Variants in SGCD observed in about 807,000 individuals in gnomAD.
The protein encoded by SGCD is sarcoglycan delta, also known as delta-sarcoglycan.
SGCD carries 18 observed loss-of-function variants against 36.6 expected under a neutral mutation model. That is an observed-to-expected ratio of 0.49 (90% CI 0.34 to 0.73). The LOEUF (loss-of-function observed/expected upper bound fraction) is 0.73. Ranked by LOEUF, SGCD falls within the 30% of genes least tolerant of loss-of-function variation. The pLI is 0.01. For missense variants in SGCD, 387 were observed against 346.7 expected (o/e 1.12, Z -0.92); for synonymous variants, 133 against 130.6 (o/e 1.02, Z -0.12).
chr5:156,369,990 G>A (rs1395947131), intron 3 of SGCD, among the ~76,000 whole-genome samples: 1 of 152,098 alleles, frequency 6.6e-6, no homozygotes, highest in Non-Finnish European at 1.5e-5. Flanking sequence ...AGCTATTACA[G>A]GTTGTCTAAC....
intron 6 of SGCD, among the ~76,000 whole-genome samples, chr5:156,607,984 C>CA (rs768456913): frequency 1.8e-4 from 27 of 151,990 alleles, no homozygotes; most frequent in East Asian, 5.8e-4. Flanking sequence ...TTGATCTTTT[C>CA]AAAAAAACAG....
intron 7 of SGCD, among the ~76,000 whole-genome samples, chr5:156,672,438 A>G (rs1753336086): frequency 6.6e-6 from 1 of 152,124 alleles, no homozygotes; most frequent in African/African-American, 2.4e-5. Context: ...TCCTGAGTGC[A>G]GCCCCACCAG....
the SGCD span, among the ~76,000 whole-genome samples, chr5:155,820,284 T>C: frequency 6.6e-6 from 1 of 152,314 alleles, no homozygotes; most frequent in East Asian, 1.9e-4. Context: ...TGAGTTTGGC[T>C]TCTCAACCCA....
intron 3 of SGCD, among the ~76,000 whole-genome samples, chr5:156,466,812 CAAAG>C (rs1233666115): frequency 6.6e-6 from 1 of 151,822 alleles, no homozygotes; most frequent in African/African-American, 2.4e-5. Flanking sequence ...ACTTTCTAGT[CAAAG>C]AAAATGTTTT....
chr5:155,865,637 A>G (rs1054708310), upstream of SGCD, among the ~76,000 whole-genome samples: 1 of 152,216 alleles, frequency 6.6e-6, no homozygotes, highest in African/African-American at 2.4e-5. Flanking sequence ...AGGTTGTAAC[A>G]TTACACATTG....
chr5:156,115,956 A>G (rs1363637190), intron 1 of SGCD, among the ~76,000 whole-genome samples: 1 of 152,154 alleles, frequency 6.6e-6, no homozygotes, highest in Non-Finnish European at 1.5e-5. Flanking sequence ...TACTTCCATC[A>G]GGAGGCAATG....
In SGCD at chr5:156,205,894, C is replaced by T. The variant is rs146323639; in HGVS notation, c.-44+81875C>T. ...AACATGGACAACTGCTTAAGCATCC[C>T]TAGACCTCTGTTTGGTCATTTGTTC... On this transcript the variant is annotated intron_variant, in intron 3 of 9. Transcript: ENST00000517913. Among the ~76,000 whole-genome samples the T allele has an allele frequency of 1.7e-3, 258 of 151,510 alleles. 4 individuals are homozygous for T. In the East Asian group the frequency reaches 0.048, roughly 28 times the overall value.
At chr5:156,470,898 G>A (rs1342415469) in intron 3 of SGCD, among the ~76,000 whole-genome samples, 9 of 152,168 alleles carry the variant, frequency 5.9e-5, no homozygotes, top group Non-Finnish European at 1.2e-4. Context: ...AAACCTTAAT[G>A]ACTAAAGTAT....
intron 6 of SGCD, among the ~76,000 whole-genome samples, chr5:156,617,455 C>T (rs1762060941): frequency 1.3e-5 from 2 of 152,306 alleles, no homozygotes; most frequent in South Asian, 4.1e-4. Context: ...TTAGCCTTGT[C>T]AGTCAGATAA....
intron 7 of SGCD, among the ~76,000 whole-genome samples, chr5:156,737,693 G>A (rs1036437398): frequency 6.6e-6 from 1 of 152,156 alleles, no homozygotes; most frequent in African/African-American, 2.4e-5. Context: ...GTGACCACTT[G>A]ACTCAGTGCA....
intron 1 of SGCD, among the ~76,000 whole-genome samples, chr5:156,074,248 T>C (rs1484174010): frequency 2.0e-5 from 3 of 152,170 alleles, no homozygotes; most frequent in African/African-American, 7.2e-5. Context: ...TTCTGTGGTA[T>C]GGATGAAAGA....
chr5:156,268,614 C>A (rs1434704950), intron 3 of SGCD, among the ~76,000 whole-genome samples: 1 of 151,158 alleles, frequency 6.6e-6, no homozygotes, highest in African/African-American at 2.4e-5. Context: ...TATTTTGAGA[C>A]AGAGTTTCTC....
the SGCD span, among the ~76,000 whole-genome samples, chr5:155,772,277 T>A: frequency 6.6e-6 from 1 of 152,210 alleles, no homozygotes; most frequent in Non-Finnish European, 1.5e-5. Context: ...TTGGCCCTAC[T>A]TTAGAGAAAA....
rs1581224422 is a variant in SGCD at position 156,594,804 on chromosome 5, A to G, written c.383-128A>G. On this transcript the variant is annotated intron_variant, in intron 5 of 8. Coordinates refer to ENST00000337851, the MANE Select transcript of SGCD (RefSeq NM_000337.6). The stretch of plus-strand genomic sequence containing the variant: ...CCAGTCCACTGAACATTGAAGTCTC[A>G]TACAATCTTGTTAGATATGTGTGTT... 2.0e-5 allele frequency: 13 copies of G among 636,382 alleles called. No homozygotes were observed. In the East Asian group the frequency reaches 3.6e-4, roughly 18 times the overall value. The allele number at this position is 636,382 out of a possible 1,614,324, so 39.4% of individuals were successfully genotyped here.
intron 1 of SGCD, among the ~76,000 whole-genome samples, chr5:156,079,416 C>T (rs1192774099): frequency 6.6e-6 from 1 of 152,208 alleles, no homozygotes; most frequent in Non-Finnish European, 1.5e-5. Context: ...GCCTTCCTAA[C>T]AGTCCACCAA....
intron 3 of SGCD, among the ~76,000 whole-genome samples, chr5:156,390,815 G>A (rs181286728): frequency 1.5e-3 from 230 of 152,228 alleles, no homozygotes; most frequent in Non-Finnish European, 2.9e-3. Context: ...AAATATTTGT[G>A]TACAGCTGTA....
Position 156,726,687 on chromosome 5 carries a change from C to CATGG in SGCD, c.576-30893_576-30890dup, listed in dbSNP as rs979272864. Among the ~76,000 whole-genome samples the CATGG allele has an allele frequency of 2.7e-4, 41 of 152,302 alleles. 1 individual carries two copies. Among genetic ancestry groups the CATGG allele is most frequent in the African/African-American group, 9.4e-4 (39 of 41,572 alleles). The stretch of plus-strand genomic sequence containing the variant: ...TTCTCCTTAAGGTCCCCTCCTCAAG[C>CATGG]ATGGGTTAGCCGCGCCAGGCCCAGC... On this transcript the variant is annotated intron_variant, in intron 7 of 8. Transcript: ENST00000337851.
chr5:156,105,799 A>G (rs1045075760), intron 1 of SGCD, among the ~76,000 whole-genome samples: 1 of 152,148 alleles, frequency 6.6e-6, no homozygotes, highest in Admixed American at 6.6e-5. Context: ...CCTTTAAGGG[A>G]TCACTTAGGA....
intron 2 of SGCD, among the ~76,000 whole-genome samples, chr5:156,334,080 G>C (rs1300322533): frequency 6.6e-6 from 1 of 151,818 alleles, no homozygotes; most frequent in Non-Finnish European, 1.5e-5. Flanking sequence ...TTTAGGCCTT[G>C]TGTGTCACTC....
Sources: gnomAD v4.1 joint callset for allele counts (sites outside exome capture counted in the v4.1 genomes callset) on GRCh38, gnomAD v4.1.1 for gene constraint, MANE v1.5 for transcripts, NCBI Gene and HGNC (gene_info 2026-07-23, HGNC 2026-07-21) for gene names.